KAT6B: variants seen among roughly 807,000 people sequenced by gnomAD.
KAT6B encodes lysine acetyltransferase 6B, also known as histone acetyltransferase KAT6B.
KAT6B carries 10 observed loss-of-function variants against 187.5 expected under a neutral mutation model. The observed-to-expected ratio is 0.05, with a 90% CI of 0.03 to 0.09. The LOEUF (loss-of-function observed/expected upper bound fraction) is 0.09, where lower values mean the gene tolerates loss of function less well. KAT6B is among the 10% of genes least tolerant of loss of function. The probability of loss-of-function intolerance (pLI) is 1.00; values close to 1 mark genes in which losing one functional copy is unlikely to be tolerated. For synonymous variants in KAT6B, 861 were observed against 926.8 expected (o/e 0.93, Z 1.29); for missense variants, 1,952 against 2,558.9 (o/e 0.76, Z 5.12).
chr10:74,884,225 T>C (rs12253919), intron 3 of KAT6B, among the ~76,000 whole-genome samples: 3,531 of 152,328 alleles, frequency 0.023, 138 homozygotes, highest in African/African-American at 0.08. Flanking sequence ...AGGTGTTGTT[T>C]GTATGCTCTA....
chr10:74,989,984 C>A (rs1843025199), intron 13 of KAT6B, among the ~76,000 whole-genome samples: 1 of 151,916 alleles, frequency 6.6e-6, no homozygotes, highest in African/African-American at 2.4e-5. Context: ...GTCACAAGAT[C>A]AAGAGATCGA....
At chr10:74,851,436 C>G (rs1842477611) in intron 3 of KAT6B, among the ~76,000 whole-genome samples, 1 of 151,506 alleles carries the variant, frequency 6.6e-6, no homozygotes, top group African/African-American at 2.4e-5. Context: ...CTGGTTCAAG[C>G]AATTCTCCTG....
chr10:74,894,377 C>T (rs142994909), intron 3 of KAT6B, among the ~76,000 whole-genome samples: 178 of 152,250 alleles, frequency 1.2e-3, no homozygotes, highest in African/African-American at 3.7e-3. Flanking sequence ...CCACCGTGCT[C>T]GGCCATGTTG....
intron 4 of KAT6B, among the ~76,000 whole-genome samples, chr10:74,966,201 C>A (rs1277332625): frequency 6.6e-6 from 1 of 152,208 alleles, no homozygotes; most frequent in East Asian, 1.9e-4. Flanking sequence ...CTCTCTCATG[C>A]TTTGAACCCT....
At chr10:75,008,105 G>A (rs1844349597) in intron 13 of KAT6B, among the ~76,000 whole-genome samples, 1 of 152,210 alleles carries the variant, frequency 6.6e-6, no homozygotes, top group Non-Finnish European at 1.5e-5. Flanking sequence ...GAAGGGTTGT[G>A]CGTTAACAGA....
intron 3 of KAT6B, among the ~76,000 whole-genome samples, chr10:74,911,299 A>G (rs1022000631): frequency 2.1e-5 from 3 of 142,998 alleles, no homozygotes; most frequent in African/African-American, 7.8e-5. Context: ...GAGACTAAGT[A>G]TTGCTCTGTA....
Position 74,989,121 on chromosome 10 carries a change from A to G in KAT6B, c.2629+9A>G, listed in dbSNP as rs745942441. The G allele has an allele frequency of 1.2e-5, 19 of 1,590,876 alleles. No homozygotes were observed. Among genetic ancestry groups the G allele is most frequent in the Middle Eastern group, 1.7e-4 (1 of 6,042 alleles). ...GTTTCTCATTGATTTCAGTAAGTGA[A>G]GTACTTTATTTACTTTCATGATCCA... On this transcript the variant is annotated intron_variant, in intron 13 of 17. Coordinates refer to ENST00000287239, the MANE Select transcript of KAT6B (RefSeq NM_012330.4).
intron 3 of KAT6B, among the ~76,000 whole-genome samples, chr10:74,876,399 G>T (rs1349530068): frequency 1.3e-5 from 2 of 151,678 alleles, no homozygotes; most frequent in African/African-American, 4.8e-5. Flanking sequence ...TCATTTTTTT[G>T]GTTGTTGCTT....
intron 3 of KAT6B, among the ~76,000 whole-genome samples, chr10:74,853,811 G>T (rs1221338690): frequency 2.7e-5 from 4 of 150,052 alleles, no homozygotes; most frequent in Non-Finnish European, 5.9e-5. Context: ...TGTATTTTTA[G>T]TAGAGACGGG....
intron 13 of KAT6B, among the ~76,000 whole-genome samples, chr10:75,015,872 G>A (rs1163858264): frequency 2.0e-5 from 3 of 152,240 alleles, no homozygotes; most frequent in African/African-American, 7.2e-5. Flanking sequence ...GGTGTTTGAG[G>A]AGGTTCATAT....
chr10:75,021,201 ACTT>A lies in KAT6B; in HGVS notation c.2938_2940del (p.Leu980del). On this transcript the variant is annotated inframe_deletion, in exon 15 of 18. Transcript: ENST00000287239. ...TGAAAACCTGTTCCAGAGCCAATGA[ACTT>A]GATCCAGACAGTCTGAGGTGGACCC... 1.9e-6 allele frequency: 3 copies of A among 1,614,130 alleles called. No homozygotes were observed. The highest frequency in any genetic ancestry group is 2.5e-6 in the Non-Finnish European group (3 of 1,179,962).
At chr10:74,877,019 C>T (rs1276746578) in intron 3 of KAT6B, among the ~76,000 whole-genome samples, 7 of 151,540 alleles carry the variant, frequency 4.6e-5, no homozygotes, top group Non-Finnish European at 8.8e-5. Flanking sequence ...CAGGCTGGAG[C>T]GCAATGGTGC....
At position 74,909,232 on chromosome 10, in the gene KAT6B, G is replaced by A. The variant is rs529149568; in HGVS notation, c.622-50738G>A. 5.3e-5 allele frequency among the ~76,000 whole-genome samples: 8 copies of A among 152,260 alleles called. No individual in the cohort carries two copies. In the South Asian group the frequency reaches 8.3e-4, roughly 16 times the overall value. On this transcript the variant is annotated intron_variant, in intron 3 of 17. Coordinates refer to ENST00000287239, the MANE Select transcript of KAT6B (RefSeq NM_012330.4). ...CTAAAAATACAAAAATTAGCTGGGC[G>A]TGGTGGCATTTGCCTGTAATCCCAG...
At position 74,995,926 on chromosome 10, in the gene KAT6B, A is replaced by G. The variant is rs116172666; in HGVS notation, c.2629+6814A>G. On this transcript the variant is annotated intron_variant, in intron 13 of 17. Coordinates refer to ENST00000287239, the MANE Select transcript of KAT6B (RefSeq NM_012330.4). ...AATTGTCTTTTACTCGGGCCTGCAG[A>G]GCCAGAACCCTGGCTGATGGGCAGG... Among the ~76,000 whole-genome samples, 813 of 152,348 alleles carry G rather than the reference A, an allele frequency of 5.3e-3. 6 individuals are homozygous for G. Among genetic ancestry groups the G allele is most frequent in the African/African-American group, 0.019 (778 of 41,572 alleles).
chr10:74,968,465 C>T (rs1004140542), intron 4 of KAT6B, among the ~76,000 whole-genome samples: 8 of 151,862 alleles, frequency 5.3e-5, no homozygotes, highest in African/African-American at 1.9e-4. Flanking sequence ...CTTCAAAAAG[C>T]CAAATCTCCT....
intron 4 of KAT6B, among the ~76,000 whole-genome samples, chr10:74,960,727 G>A (rs148094265): frequency 1.3e-5 from 2 of 152,270 alleles, no homozygotes; most frequent in East Asian, 3.9e-4. Context: ...TAGAAAATTA[G>A]AGATAATGGC....
chr10:74,856,761 C>T (rs568853064), intron 3 of KAT6B, among the ~76,000 whole-genome samples: 4 of 152,002 alleles, frequency 2.6e-5, no homozygotes, highest in East Asian at 1.9e-4. Context: ...ATCAGCTGGG[C>T]GTGGTGGCAT....
At chr10:74,936,061 G>A (rs745820478) in intron 3 of KAT6B, among the ~76,000 whole-genome samples, 11 of 152,108 alleles carry the variant, frequency 7.2e-5, no homozygotes, top group Non-Finnish European at 1.5e-4. Context: ...GCATGAAGAT[G>A]ATTTGTTGCT....
chr10:75,025,611 A>G, intron 17 of KAT6B: 1 of 272,686 alleles, frequency 3.7e-6, no homozygotes, highest in African/African-American at 2.2e-5. Flanking sequence ...ATCAAGGTAT[A>G]TATTATTATC....
Sources: allele counts gnomAD v4.1 joint callset (sites outside exome capture counted in the v4.1 genomes callset), GRCh38; gene constraint gnomAD v4.1.1; transcripts MANE v1.5; gene names NCBI Gene and HGNC (gene_info 2026-07-23, HGNC 2026-07-21).